Variants in MPP7 observed in about 807,000 individuals in gnomAD.
MPP7 encodes MAGUK p55 subfamily member 7.
A neutral mutation model predicts 76.5 loss-of-function variants in MPP7; 60 were observed. The ratio of observed to expected loss-of-function variants is 0.78; its 90% confidence interval spans 0.64 to 0.97. The LOEUF (loss-of-function observed/expected upper bound fraction) is 0.97. Ranked by LOEUF, MPP7 falls within the 50% of genes least tolerant of loss-of-function variation. The pLI is 0.00. For missense variants in MPP7, 641 were observed against 694.0 expected (o/e 0.92, Z 0.86); for synonymous variants, 237 against 244.5 (o/e 0.97, Z 0.29).
intron 1 of MPP7, among the ~76,000 whole-genome samples, chr10:28,251,020 G>A (rs183513371): frequency 4.9e-4 from 75 of 152,258 alleles, no homozygotes; most frequent in East Asian, 2.7e-3. Context: ...GTTAACAAAG[G>A]CAACTTTCAC....
chr10:28,052,613 T>C lies in MPP7; in HGVS notation c.*1452A>G, dbSNP rs2133298468. On this transcript the variant is annotated 3_prime_UTR_variant, in exon 17 of 17. Coordinates refer to ENST00000683449, the MANE Select transcript of MPP7 (RefSeq NM_001318170.2). Reference sequence around the variant, plus strand: ...TTGACCATGATTTATAAAACTACTCTTTTAAATTAGGACATCTTGACATAC... The same window carrying C: ...TTGACCATGATTTATAAAACTACTCCTTTAAATTAGGACATCTTGACATAC... 1 of 152,776 alleles carries C rather than the reference T, an allele frequency of 6.5e-6. No homozygotes were observed. Among genetic ancestry groups the C allele is most frequent in the Admixed American group, 6.5e-5 (1 of 15,298 alleles). The allele number at this position is 152,776 out of a possible 1,614,324, so 9.5% of individuals were successfully genotyped here. A position where few individuals can be genotyped will look rare whatever the true frequency, so the allele number is the denominator to read the frequency against.
intron 3 of MPP7, among the ~76,000 whole-genome samples, chr10:28,184,576 G>A (rs1285843395): frequency 6.7e-6 from 1 of 149,166 alleles, no homozygotes; most frequent in Non-Finnish European, 1.5e-5. Context: ...GGGCGTTGTA[G>A]GGGCATCTGT....
chr10:28,210,807 A>G (rs12357915), intron 2 of MPP7, among the ~76,000 whole-genome samples: 26,701 of 152,200 alleles, frequency 0.18, 2,981 homozygotes, highest in East Asian at 0.56. Flanking sequence ...TCAGTACAAT[A>G]TAAATACCTC....
At chr10:28,159,082 A>T (rs1232241792) in intron 3 of MPP7, among the ~76,000 whole-genome samples, 1 of 152,188 alleles carries the variant, frequency 6.6e-6, no homozygotes, top group Non-Finnish European at 1.5e-5. Context: ...GGAATACTAA[A>T]TTGAGCTTTT....
At chr10:28,202,043 G>A (rs1368635941) in intron 3 of MPP7, 110 bp downstream of exon 3, 7 of 757,140 alleles carry the variant, frequency 9.2e-6, no homozygotes, top group Non-Finnish European at 1.6e-5. Context: ...ATGGAACAAG[G>A]CTGTTTTGTT....
At chr10:28,108,154 T>C (rs1382841198) in intron 11 of MPP7, among the ~76,000 whole-genome samples, 1 of 152,222 alleles carries the variant, frequency 6.6e-6, no homozygotes, top group Non-Finnish European at 1.5e-5. Flanking sequence ...TTACCATCTT[T>C]GAGTCCTCGG....
At chr10:28,151,024 C>T (rs1050793918) in intron 3 of MPP7, among the ~76,000 whole-genome samples, 1 of 152,122 alleles carries the variant, frequency 6.6e-6, no homozygotes, top group Non-Finnish European at 1.5e-5. Context: ...TGTCCCCCAC[C>T]ATATACAAAA....
At chr10:28,057,635 T>TC (rs1851612653) in intron 15 of MPP7, 3 of 371,944 alleles carry the variant, frequency 8.1e-6, no homozygotes, top group Non-Finnish European at 1.2e-5. Context: ...TTTTTTTTTT[T>TC]AGTAAATTAC....
chr10:28,262,129 G>A (rs1469116307), intron 1 of MPP7, among the ~76,000 whole-genome samples: 12 of 145,762 alleles, frequency 8.2e-5, no homozygotes, highest in Middle Eastern at 3.6e-3. Context: ...CAGCCTGGGC[G>A]ACAGAGCAAG....
At chr10:28,316,209 G>T (rs1248145922) in intron 2 of MPP7, among the ~76,000 whole-genome samples, 1 of 152,100 alleles carries the variant, frequency 6.6e-6, no homozygotes, top group African/African-American at 2.4e-5. Context: ...GGACGAGGCA[G>T]GTAGATCACT....
chr10:28,255,241 G>T (rs550865366), intron 1 of MPP7, among the ~76,000 whole-genome samples: 24 of 151,880 alleles, frequency 1.6e-4, no homozygotes, highest in South Asian at 4.2e-4. Flanking sequence ...AGCCTCCCGA[G>T]TAGCTGAGAT....
At chr10:28,207,554 G>A (rs1434334839) in intron 2 of MPP7, among the ~76,000 whole-genome samples, 1 of 151,920 alleles carries the variant, frequency 6.6e-6, no homozygotes, top group Non-Finnish European at 1.5e-5. Flanking sequence ...GCATGGTGGT[G>A]CACACCTGTA....
chr10:28,095,070 T>C (rs1853498038), intron 11 of MPP7, among the ~76,000 whole-genome samples: 2 of 152,162 alleles, frequency 1.3e-5, no homozygotes, highest in Admixed American at 1.3e-4. Context: ...TTTGTTACCA[T>C]ATTTACATTG....
intron 2 of MPP7, among the ~76,000 whole-genome samples, chr10:28,316,402 T>C (rs1564771251): frequency 1.7e-5 from 2 of 118,666 alleles, no homozygotes; most frequent in Admixed American, 2.3e-4. Context: ...GCCACTGCAC[T>C]CCAGCCTGGG....
chr10:28,230,371 C>T (rs2134106826), intron 2 of MPP7, among the ~76,000 whole-genome samples: 1 of 152,062 alleles, frequency 6.6e-6, no homozygotes, highest in East Asian at 1.9e-4. Flanking sequence ...TTCACAAGAG[C>T]TCCATCAATA....
rs77221353 is a variant in MPP7, at chr10:28,234,434, G to A, written c.37+4134C>T. On this transcript the variant is annotated intron_variant, in intron 2 of 16. Transcript: ENST00000683449. ...TCCTTTACCCTAAAGGAGGAGAAACGACACATGCTACTGTAAGTGTGGGCT... is the reference window on the plus strand; with the variant it reads ...TCCTTTACCCTAAAGGAGGAGAAACAACACATGCTACTGTAAGTGTGGGCT... Among the ~76,000 whole-genome samples the A allele has an allele frequency of 4.4e-3, 671 of 152,158 alleles. 8 individuals are homozygous for A. Among genetic ancestry groups the A allele is most frequent in the African/African-American group, 0.015 (630 of 41,510 alleles).
chr10:28,187,822 C>T (rs1837286504), intron 3 of MPP7, among the ~76,000 whole-genome samples: 1 of 152,136 alleles, frequency 6.6e-6, no homozygotes, highest in African/African-American at 2.4e-5. Flanking sequence ...TAAAACCATT[C>T]CTCAATAAAA....
At chr10:28,080,907 A>C (rs1051539558) in intron 12 of MPP7, among the ~76,000 whole-genome samples, 3 of 152,240 alleles carry the variant, frequency 2.0e-5, no homozygotes, top group African/African-American at 7.2e-5. Context: ...AAAAGATATG[A>C]GAATTCTAAT....
At chr10:28,243,259 C>G (rs1339026846) in intron 1 of MPP7, among the ~76,000 whole-genome samples, 2 of 152,110 alleles carry the variant, frequency 1.3e-5, no homozygotes, top group Non-Finnish European at 2.9e-5. Context: ...TAAAAACTTG[C>G]ATCCACTAGA....
Sources: gnomAD v4.1 joint callset for allele counts (sites outside exome capture counted in the v4.1 genomes callset) on GRCh38, gnomAD v4.1.1 for gene constraint, MANE v1.5 for transcripts, NCBI Gene and HGNC (gene_info 2026-07-23, HGNC 2026-07-21) for gene names.